Variants in COL24A1 observed in about 807,000 individuals in gnomAD.
COL24A1 encodes collagen alpha-1(XXIV) chain.
Under a neutral mutation model 253.9 loss-of-function variants are expected in COL24A1, and 224 were observed. The ratio of observed to expected loss-of-function variants is 0.88; its 90% CI spans 0.79 to 0.99. COL24A1 has a LOEUF of 0.99. Among genes scored for constraint, COL24A1 ranks in the 50% least tolerant of loss-of-function variants. The pLI, the probability that COL24A1 is intolerant of heterozygous loss-of-function variation, is 0.00. For missense variants in COL24A1, 2,131 were observed against 2,068.5 expected (o/e 1.03, Z -0.59); for synonymous variants, 685 against 673.7 (o/e 1.02, Z -0.26).
rs974240593 is a variant in COL24A1, at chr1:85,756,477, C to A, written c.4437+4919G>T. On this transcript the variant is annotated intron_variant, in intron 55 of 59. Coordinates refer to ENST00000370571, the MANE Select transcript of COL24A1 (RefSeq NM_152890.7). ...TGAAAATATGCTCAACACCACAAAT[C>A]GTTAGGAAAATGCATGTGAAAACCA... 2.0e-5 allele frequency among the ~76,000 whole-genome samples: 3 copies of A among 151,938 alleles called. No individual in the cohort carries two copies. In the East Asian group the frequency reaches 5.8e-4, roughly 29 times the overall value.
rs1242580002 is a variant in COL24A1, at chr1:85,823,914, G to C, written c.3682-176C>G. Among the ~76,000 whole-genome samples the C allele has an allele frequency of 2.0e-5, 3 of 152,042 alleles. No individual in the cohort carries two copies. The East Asian group carries it at 5.8e-4, about 29-fold the overall frequency. ...ATAATAGCTGTTGGATATTATGGTA[G>C]CTGAAAACAAGTTAGGGTTTTCTTT... On this transcript the variant is annotated intron_variant, in intron 43 of 59. Transcript: ENST00000370571.
intron 28 of COL24A1, among the ~76,000 whole-genome samples, chr1:85,905,292 A>T (rs1684693873): frequency 6.6e-6 from 1 of 152,076 alleles, no homozygotes; most frequent in African/African-American, 2.4e-5. Flanking sequence ...CAATATTCTC[A>T]TTTTTTGTGA....
chr1:85,908,074 G>A (rs1685011943), intron 27 of COL24A1, among the ~76,000 whole-genome samples: 2 of 151,748 alleles, frequency 1.3e-5, no homozygotes, highest in Middle Eastern at 3.4e-3. Flanking sequence ...CCTAAAGGCC[G>A]ATCTTGTTCA....
rs115393760 is a variant in COL24A1, at chr1:86,088,153, T to C, written c.1707+1021A>G. ...CAAACTCCCTATGAAGTGGATAGTA[T>C]TATCTTCACAATTTACAAATGAGGT... On this transcript the variant is annotated intron_variant, in intron 7 of 59. Coordinates refer to ENST00000370571, the MANE Select transcript of COL24A1 (RefSeq NM_152890.7). Among the ~76,000 whole-genome samples, 175 of 152,294 alleles carry C rather than the reference T, an allele frequency of 1.1e-3. 1 individual carries two copies. The highest frequency in any genetic ancestry group is 4.2e-3 in the African/African-American group (173 of 41,568).
At chr1:85,739,818 G>A (rs905004786) in intron 57 of COL24A1, among the ~76,000 whole-genome samples, 8 of 151,498 alleles carry the variant, frequency 5.3e-5, no homozygotes, top group African/African-American at 1.7e-4. Flanking sequence ...CCCTACCCTC[G>A]TACCTTACTT....
intron 46 of COL24A1, 107 bp from the exon 47 acceptor site, chr1:85,817,002 T>C (rs1673109344): frequency 2.5e-6 from 2 of 816,300 alleles, no homozygotes; most frequent in African/African-American, 3.5e-5. Context: ...TTATATTTTG[T>C]TCTAGGACAA....
At chr1:85,988,100 T>TAAAA (rs34090648) in intron 19 of COL24A1, among the ~76,000 whole-genome samples, 2 of 147,462 alleles carry the variant, frequency 1.4e-5, no homozygotes, top group African/African-American at 2.5e-5. Context: ...TTCTGTCTGA[T>TAAAA]AAAAAAAAAA....
At chr1:85,747,543 C>A (rs1665376498) in intron 55 of COL24A1, among the ~76,000 whole-genome samples, 1 of 151,922 alleles carries the variant, frequency 6.6e-6, no homozygotes, top group Non-Finnish European at 1.5e-5. Context: ...ACTATATTTT[C>A]CAAAACAAAA....
chr1:86,010,694 A>G (rs572744843), intron 19 of COL24A1, among the ~76,000 whole-genome samples: 1 of 152,150 alleles, frequency 6.6e-6, no homozygotes, highest in East Asian at 1.9e-4. Flanking sequence ...GAAACAAACT[A>G]AATTTCCATA....
intron 24 of COL24A1, among the ~76,000 whole-genome samples, chr1:85,940,440 A>AAAAAT (rs1688643091): frequency 2.0e-5 from 3 of 149,266 alleles, no homozygotes; most frequent in South Asian, 2.1e-4. Flanking sequence ...AAAAAAAAAA[A>AAAAAT]GTGCCATAAG....
At chr1:85,814,325 T>C (rs960440021) in intron 47 of COL24A1, among the ~76,000 whole-genome samples, 3 of 152,188 alleles carry the variant, frequency 2.0e-5, no homozygotes, top group Non-Finnish European at 4.4e-5. Context: ...GCATGACAGA[T>C]TCTAGGAATA....
chr1:86,151,439 C>A (rs6576806), intron 1 of COL24A1, among the ~76,000 whole-genome samples: 128,374 of 152,122 alleles, frequency 0.84, 54,274 homozygotes, highest in East Asian at 0.94. Flanking sequence ...ACAAACACTT[C>A]ATAAAGGCTC....
chr1:85,996,373 A>G lies in COL24A1; in HGVS notation c.2311-8719T>C, dbSNP rs138010325. Reference sequence around the variant, plus strand: ...TATATCTGTCTCAGAATTCTTATAAATATCTTAAGAATATCAATTCGGCTG... The same window carrying G: ...TATATCTGTCTCAGAATTCTTATAAGTATCTTAAGAATATCAATTCGGCTG... On this transcript the variant is annotated intron_variant, in intron 19 of 59. Transcript: ENST00000370571. Among the ~76,000 whole-genome samples the G allele has an allele frequency of 4.3e-3, 653 of 152,230 alleles. 2 individuals are homozygous for G. Among genetic ancestry groups the G allele is most frequent in the Middle Eastern group, 0.034 (10 of 294 alleles).
intron 42 of COL24A1, among the ~76,000 whole-genome samples, chr1:85,839,836 C>T (rs1409105083): frequency 2.0e-5 from 3 of 152,022 alleles, no homozygotes; most frequent in Non-Finnish European, 4.4e-5. Context: ...CTTACTTTTC[C>T]TGAATATTTC....
At position 85,865,868 on chromosome 1, in the gene COL24A1, A is replaced by G. The variant is rs141463964; in HGVS notation, c.3300+2651T>C. On this transcript the variant is annotated intron_variant, in intron 37 of 59. Transcript: ENST00000370571. Reference sequence around the variant, plus strand: ...GCCTGACACTAATGGAAGAGGGATGAGTCCTCTAACAAAGATGAAAATTAT... The same window carrying G: ...GCCTGACACTAATGGAAGAGGGATGGGTCCTCTAACAAAGATGAAAATTAT... Among the ~76,000 whole-genome samples, 443 of 152,318 alleles carry G rather than the reference A, an allele frequency of 2.9e-3. 3 individuals carry two copies. Among genetic ancestry groups the G allele is most frequent in the African/African-American group, 0.01 (423 of 41,580 alleles).
chr1:85,969,579 T>TGGATGACA (rs1351823145), intron 22 of COL24A1, among the ~76,000 whole-genome samples: 2 of 112,522 alleles, frequency 1.8e-5, no homozygotes, highest in African/African-American at 3.5e-5. Flanking sequence ...CACTCCAGCC[T>TGGATGACA]GGATGACAGA....
intron 47 of COL24A1, among the ~76,000 whole-genome samples, chr1:85,812,199 A>T (rs1672621316): frequency 6.6e-6 from 1 of 152,248 alleles, no homozygotes; most frequent in Admixed American, 6.5e-5. Flanking sequence ...TTAAATCAAA[A>T]TGGCATGTAT....
chr1:86,118,268 T>A (rs2102209876), intron 3 of COL24A1, among the ~76,000 whole-genome samples: 1 of 152,290 alleles, frequency 6.6e-6, no homozygotes, highest in South Asian at 2.1e-4. Context: ...TTTCACCATG[T>A]TGGTCAGGCT....
intron 19 of COL24A1, among the ~76,000 whole-genome samples, chr1:85,999,852 T>C (rs1346709751): frequency 3.9e-5 from 6 of 152,280 alleles, no homozygotes; most frequent in Middle Eastern, 3.4e-3. Flanking sequence ...GGGGGTCTCA[T>C]AGTTTTTCAC....
Sources: gnomAD v4.1 joint callset for allele counts (sites outside exome capture counted in the v4.1 genomes callset) on GRCh38, gnomAD v4.1.1 for gene constraint, MANE v1.5 for transcripts, NCBI Gene and HGNC (gene_info 2026-07-23, HGNC 2026-07-21) for gene names.